Variants in NCAM1 observed in about 807,000 individuals in gnomAD.
NCAM1 encodes the protein antigen recognized by monoclonal antibody 5.1H11.
In NCAM1, 14 loss-of-function variants were observed where a neutral mutation model predicts 109.8. The ratio of observed to expected loss-of-function variants is 0.13; its 90% CI spans 0.08 to 0.20. The LOEUF (loss-of-function observed/expected upper bound fraction) is 0.20. Among genes scored for constraint, NCAM1 ranks in the 10% least tolerant of loss-of-function variants. The probability of loss-of-function intolerance (pLI) is 1.00; values close to 1 mark genes in which losing one functional copy is unlikely to be tolerated. For synonymous variants in NCAM1, 418 were observed against 442.9 expected, an observed-to-expected ratio of 0.94 and a Z score of 0.70; for missense variants, 774 against 1,109.9, an observed-to-expected ratio of 0.70 and a Z score of 4.30.
intron 1 of NCAM1, among the ~76,000 whole-genome samples, chr11:113,149,714 T>C (rs575676345): frequency 6.6e-6 from 1 of 152,254 alleles, no homozygotes; most frequent in Non-Finnish European, 1.5e-5. Flanking sequence ...TGTTACCATA[T>C]TGCTTTCTGC....
chr11:113,271,929 C>T lies in NCAM1; in HGVS notation c.2456+53C>T, dbSNP rs1473089922. On this transcript the variant is annotated intron_variant, in intron 19 of 19. Transcript: ENST00000316851. The stretch of plus-strand genomic sequence containing the variant: ...TGCTCCGTAGAGACCCCCACACCCA[C>T]CTCCCCACCCTACCCCCACCTCCCG... 4 of 1,348,154 alleles carry T rather than the reference C, an allele frequency of 3.0e-6. No individual in the cohort carries two copies. The African/African-American group carries it at 4.4e-5, about 15-fold the overall frequency. 83.5% of individuals were successfully genotyped at this position (1,348,154 alleles called of 1,614,324 possible).
At chr11:113,018,398 C>T (rs7112730) in intron 1 of NCAM1, among the ~76,000 whole-genome samples, 1 of 151,762 alleles carries the variant, frequency 6.6e-6, no homozygotes, top group Non-Finnish European at 1.5e-5. Context: ...GAACTTATTT[C>T]TCAGCAGTAT....
At chr11:113,093,681 A>G (rs1939465882) in intron 1 of NCAM1, among the ~76,000 whole-genome samples, 1 of 152,232 alleles carries the variant, frequency 6.6e-6, no homozygotes, top group Non-Finnish European at 1.5e-5. Flanking sequence ...AGGCATGCTC[A>G]GTATCTACCA....
At chr11:113,042,560 C>T (rs781861400) in intron 1 of NCAM1, among the ~76,000 whole-genome samples, 4 of 152,218 alleles carry the variant, frequency 2.6e-5, no homozygotes, top group African/African-American at 9.6e-5. Context: ...TCCTGAGCCA[C>T]CCCTAACTCT....
chr11:113,236,435 C>G (rs1945170155), intron 14 of NCAM1: 5 of 1,118,720 alleles, frequency 4.5e-6, no homozygotes, highest in Middle Eastern at 1.9e-4. Flanking sequence ...ATGATATTGT[C>G]TGGGCCCTAA....
chr11:113,081,565 G>A (rs192696555), intron 1 of NCAM1, among the ~76,000 whole-genome samples: 91 of 150,394 alleles, frequency 6.1e-4, no homozygotes, highest in African/African-American at 2.0e-3. Context: ...TTTTTGTTTC[G>A]CTCTTGTCAC....
intron 1 of NCAM1, among the ~76,000 whole-genome samples, chr11:112,966,927 C>G (rs1950743705): frequency 6.6e-6 from 1 of 152,322 alleles, no homozygotes; most frequent in Non-Finnish European, 1.5e-5. Context: ...GAGGACTGCA[C>G]TAAAAGGATA....
chr11:113,160,437 G>C (rs1362679301), intron 1 of NCAM1, among the ~76,000 whole-genome samples: 1 of 152,056 alleles, frequency 6.6e-6, no homozygotes, highest in Non-Finnish European at 1.5e-5. Flanking sequence ...CCTGGCACTG[G>C]TACAAAATCC....
At chr11:113,272,274 G>A (rs1162335243) in intron 19 of NCAM1, among the ~76,000 whole-genome samples, 1 of 152,106 alleles carries the variant, frequency 6.6e-6, no homozygotes, top group Non-Finnish European at 1.5e-5. Context: ...TGGGGACCTG[G>A]TAAAGTTCTC....
chr11:113,275,965 A>G lies in NCAM1; in HGVS notation c.*578A>G, dbSNP rs1946393522. On this transcript the variant is annotated 3_prime_UTR_variant, in exon 20 of 20. Transcript: ENST00000316851. ...GTGTCACCCTTTCTAGCTGAATTCAATTCCCACGTAGACTCTTATTTTATA... is the reference window on the plus strand; with the variant it reads ...GTGTCACCCTTTCTAGCTGAATTCAGTTCCCACGTAGACTCTTATTTTATA... 6.6e-6 allele frequency: 1 copy of G among 152,646 alleles called. No individual in the cohort carries two copies. Among genetic ancestry groups the G allele is most frequent in the African/African-American group, 2.4e-5 (1 of 41,452 alleles). 9.5% of individuals were successfully genotyped at this position (152,646 alleles called of 1,614,324 possible).
intron 14 of NCAM1, among the ~76,000 whole-genome samples, chr11:113,242,091 C>G (rs542697871): frequency 1.7e-4 from 26 of 152,330 alleles, no homozygotes; most frequent in African/African-American, 6.3e-4. Context: ...CTAAGCCTCC[C>G]CAAGTCTCAG....
At chr11:113,243,184 G>A (rs1945388231) in intron 14 of NCAM1, among the ~76,000 whole-genome samples, 1 of 152,254 alleles carries the variant, frequency 6.6e-6, no homozygotes, top group African/African-American at 2.4e-5. Flanking sequence ...TCGCTTTGCT[G>A]TCCCTCCTTC....
At chr11:113,263,717 A>T (rs531364632) in intron 17 of NCAM1, 8 of 985,514 alleles carry the variant, frequency 8.1e-6, no homozygotes, top group Non-Finnish European at 6.0e-6. Context: ...AGATCAGCAC[A>T]GAGTGGGGCC....
chr11:113,171,109 A>G lies in NCAM1; in HGVS notation c.53-31270A>G, dbSNP rs1942974806. 2.0e-5 allele frequency among the ~76,000 whole-genome samples: 3 copies of G among 152,160 alleles called. 1 individual carries two copies. Among genetic ancestry groups the G allele is most frequent in the Middle Eastern group, 6.3e-3 (2 of 316 alleles). Reference sequence around the variant, plus strand: ...CCAGAGGCTGTGACCTTATTTATTCATGTTATCTCATGTAATCGCCACTAC... The same window carrying G: ...CCAGAGGCTGTGACCTTATTTATTCGTGTTATCTCATGTAATCGCCACTAC... On this transcript the variant is annotated intron_variant, in intron 1 of 19. Coordinates refer to ENST00000316851, the MANE Select transcript of NCAM1 (RefSeq NM_181351.5).
intron 1 of NCAM1, among the ~76,000 whole-genome samples, chr11:113,069,304 T>C (rs534065057): frequency 6.6e-6 from 1 of 152,274 alleles, no homozygotes; most frequent in Admixed American, 6.5e-5. Context: ...TTGGGGTCTT[T>C]CAAGTGGTCT....
chr11:113,233,181 G>T lies in NCAM1; in HGVS notation c.1557G>T (p.Glu519Asp). ...CTTCACCATCCATCGACCAGGTGGAGCCATACTCCAGCACAGCCCAGGTGC... is the reference window on the plus strand; with the variant it reads ...CTTCACCATCCATCGACCAGGTGGATCCATACTCCAGCACAGCCCAGGTGC... The part of the protein sequence containing the change: ...TPSSPSIDQV[E>D]PYSSTAQVQF... Residue 519 changes from glutamate to aspartate, a missense_variant, in exon 13 of 20, where the codon GAG (glutamate) becomes GAT (aspartate). Physicochemically the swap from Glu to Asp is conservative, Grantham distance 45. Transcript: ENST00000316851. The surrounding 1 kb of genome is among the most constrained non-coding windows in gnomAD (Gnocchi z 4.5). 6.2e-7 allele frequency: 1 copy of T among 1,613,738 alleles called. No individual in the cohort carries two copies. Among genetic ancestry groups the T allele is most frequent in the Non-Finnish European group, 8.5e-7 (1 of 1,179,890 alleles).
intron 1 of NCAM1, among the ~76,000 whole-genome samples, chr11:113,117,200 C>A (rs1940750823): frequency 6.6e-6 from 1 of 151,976 alleles, no homozygotes; most frequent in African/African-American, 2.4e-5. Flanking sequence ...CCAGCAAAAA[C>A]TGTTATGAGG....
chr11:113,035,007 C>A (rs1952826513), intron 1 of NCAM1, among the ~76,000 whole-genome samples: 1 of 152,106 alleles, frequency 6.6e-6, no homozygotes, highest in African/African-American at 2.4e-5. Flanking sequence ...GTGAAGAAGG[C>A]AATATAATAA....
At chr11:112,969,165 G>GCAGA (rs372570886) in intron 1 of NCAM1, among the ~76,000 whole-genome samples, 40 of 152,268 alleles carry the variant, frequency 2.6e-4, no homozygotes, top group African/African-American at 8.9e-4. Context: ...TCTGGGCAGA[G>GCAGA]CAGACACCCT....
Sources: allele counts gnomAD v4.1 joint callset (sites outside exome capture counted in the v4.1 genomes callset), GRCh38; gene constraint gnomAD v4.1.1; non-coding constraint Gnocchi (gnomAD v3.1); transcripts MANE v1.5; gene names NCBI Gene and HGNC (gene_info 2026-07-23, HGNC 2026-07-21).